INPP4B: variants seen among roughly 807,000 people sequenced by gnomAD.
The protein encoded by INPP4B is inositol polyphosphate 4-phosphatase type II.
INPP4B carries 55 observed loss-of-function variants against 122.5 expected under a neutral mutation model. The ratio of observed to expected loss-of-function variants is 0.45; its 90% CI spans 0.36 to 0.56. INPP4B has a LOEUF of 0.56. INPP4B is among the 20% of genes least tolerant of loss of function. INPP4B has a pLI of 0.00. For synonymous variants in INPP4B, 403 were observed against 388.7 expected, an observed-to-expected ratio of 1.04 and a Z score of -0.43; for missense variants, 1,000 against 1,097.7, an observed-to-expected ratio of 0.91 and a Z score of 1.26.
intron 1 of INPP4B, among the ~76,000 whole-genome samples, chr4:142,798,384 T>TTA (rs1188316659): frequency 6.6e-6 from 1 of 151,882 alleles, no homozygotes; most frequent in African/African-American, 2.4e-5. Flanking sequence ...TAGCATTTAC[T>TTA]TAGAGTTAAA....
chr4:142,737,472 T>A (rs987427759), intron 1 of INPP4B, among the ~76,000 whole-genome samples: 54 of 152,260 alleles, frequency 3.5e-4, no homozygotes, highest in Non-Finnish European at 6.0e-4. Context: ...CAAGATGGAT[T>A]AAAGACTTAC....
chr4:142,337,734 AT>A lies in INPP4B; in HGVS notation c.373-22973del, dbSNP rs72042250. On this transcript the variant is annotated intron_variant, in intron 7 of 25. Coordinates refer to ENST00000262992, the MANE Select transcript of INPP4B (RefSeq NM_001101669.3). ...TATATATAATATATATTTTATATATATTTATATATATTATATATTTTATATA... is the reference window on the plus strand; with the variant it reads ...TATATATAATATATATTTTATATATATTATATATATTATATATTTTATATA... 8.3e-3 allele frequency among the ~76,000 whole-genome samples: 343 copies of A among 41,574 alleles called. 2 individuals carry two copies. Among genetic ancestry groups the A allele is most frequent in the East Asian group, 0.032 (11 of 342 alleles). 27.3% of individuals were successfully genotyped at this position (41,574 alleles called of 152,430 possible).
chr4:142,200,267 T>A (rs952802332), intron 14 of INPP4B, among the ~76,000 whole-genome samples: 2 of 151,992 alleles, frequency 1.3e-5, no homozygotes, highest in South Asian at 4.1e-4. Flanking sequence ...ACCTATTCTA[T>A]TAAAAAAAAT....
Position 142,767,401 on chromosome 4 carries a change from A to AC in INPP4B, c.-253-41501dup, listed in dbSNP as rs1235300769. Among the ~76,000 whole-genome samples, 8 of 152,148 alleles carry AC rather than the reference A, an allele frequency of 5.3e-5. 1 individual carries two copies. Among genetic ancestry groups the AC allele is most frequent in the African/African-American group, 1.9e-4 (8 of 41,524 alleles). On this transcript the variant is annotated intron_variant, in intron 1 of 25. Coordinates refer to ENST00000262992, the MANE Select transcript of INPP4B (RefSeq NM_001101669.3). ...GGTAGGTAATATTAGACTGTTTGAG[A>AC]CCCCTATATCTGTTATAAACCTCAT...
intron 2 of INPP4B, among the ~76,000 whole-genome samples, chr4:142,588,182 C>T (rs1369009082): frequency 1.3e-5 from 2 of 151,832 alleles, no homozygotes; most frequent in African/African-American, 2.4e-5. Flanking sequence ...CTACAAACAA[C>T]CTTCAGTTAA....
intron 25 of INPP4B, among the ~76,000 whole-genome samples, chr4:142,079,193 A>G (rs1015270987): frequency 2.0e-5 from 3 of 152,060 alleles, no homozygotes; most frequent in Non-Finnish European, 4.4e-5. Context: ...TCTTTGTTAC[A>G]TGGACATACT....
chr4:142,269,357 C>T (rs1273986943), intron 10 of INPP4B, among the ~76,000 whole-genome samples: 1 of 152,036 alleles, frequency 6.6e-6, no homozygotes, highest in Non-Finnish European at 1.5e-5. Flanking sequence ...TATCGGAGTC[C>T]TCAAAACCCT....
At chr4:142,612,605 G>T (rs917139375) in intron 2 of INPP4B, among the ~76,000 whole-genome samples, 1 of 152,090 alleles carries the variant, frequency 6.6e-6, no homozygotes, top group African/African-American at 2.4e-5. Flanking sequence ...AAGAATTGCA[G>T]TTTTTGCCAT....
chr4:142,504,337 A>T (rs998632967), intron 2 of INPP4B, among the ~76,000 whole-genome samples: 5 of 152,010 alleles, frequency 3.3e-5, no homozygotes, highest in African/African-American at 1.2e-4. Context: ...CCAAAAATTA[A>T]AAAAGCTCTA....
chr4:142,741,459 C>T (rs1280512113), intron 1 of INPP4B, among the ~76,000 whole-genome samples: 1 of 151,956 alleles, frequency 6.6e-6, no homozygotes, highest in East Asian at 1.9e-4. Flanking sequence ...CAATACCTCA[C>T]ACCAGGCCCC....
chr4:142,449,889 C>G (rs1351890436), intron 3 of INPP4B, among the ~76,000 whole-genome samples: 1 of 152,144 alleles, frequency 6.6e-6, no homozygotes, highest in Non-Finnish European at 1.5e-5. Context: ...ACCAGACTTT[C>G]TAGACTATTG....
chr4:142,573,346 T>G (rs970937415), intron 2 of INPP4B, among the ~76,000 whole-genome samples: 3 of 151,962 alleles, frequency 2.0e-5, no homozygotes, highest in Non-Finnish European at 4.4e-5. Context: ...CTTTTTTCTT[T>G]TAAAAAACCG....
intron 3 of INPP4B, among the ~76,000 whole-genome samples, chr4:142,434,153 A>T (rs1198467155): frequency 6.6e-6 from 1 of 152,226 alleles, no homozygotes; most frequent in Admixed American, 6.5e-5. Flanking sequence ...TTGAGGAAAC[A>T]AGATGTGCTA....
chr4:142,577,850 T>C (rs1266713066), intron 2 of INPP4B, among the ~76,000 whole-genome samples: 2 of 151,980 alleles, frequency 1.3e-5, no homozygotes, highest in Non-Finnish European at 2.9e-5. Flanking sequence ...CTGCAGTTCC[T>C]TTTTACATGG....
At chr4:142,709,041 G>A (rs1389768367) in intron 2 of INPP4B, among the ~76,000 whole-genome samples, 1 of 152,176 alleles carries the variant, frequency 6.6e-6, no homozygotes, top group African/African-American at 2.4e-5. Context: ...TGCCCTGGAT[G>A]TGAGACATGG....
intron 15 of INPP4B, among the ~76,000 whole-genome samples, chr4:142,175,608 C>T (rs576425437): frequency 6.3e-4 from 80 of 126,352 alleles, no homozygotes; most frequent in Non-Finnish European, 1.1e-3. Flanking sequence ...TGTCTTAATG[C>T]AAGTTAAAGT....
intron 11 of INPP4B, among the ~76,000 whole-genome samples, chr4:142,247,632 G>A (rs1034593658): frequency 1.3e-5 from 2 of 151,992 alleles, no homozygotes; most frequent in African/African-American, 2.4e-5. Flanking sequence ...GGGGTCAGTG[G>A]TGATCTCCCC....
intron 17 of INPP4B, among the ~76,000 whole-genome samples, chr4:142,147,418 G>A (rs946816263): frequency 6.6e-6 from 1 of 152,166 alleles, no homozygotes; most frequent in East Asian, 1.9e-4. Context: ...AGGAATAATA[G>A]GGTTTTAAAG....
chr4:142,135,381 G>A (rs917823533), intron 18 of INPP4B, among the ~76,000 whole-genome samples: 1 of 151,960 alleles, frequency 6.6e-6, no homozygotes, highest in Non-Finnish European at 1.5e-5. Context: ...AATTTTATGT[G>A]GAATTTATCA....
Sources: gnomAD v4.1 joint callset for allele counts (sites outside exome capture counted in the v4.1 genomes callset) on GRCh38, gnomAD v4.1.1 for gene constraint, MANE v1.5 for transcripts, NCBI Gene and HGNC (gene_info 2026-07-23, HGNC 2026-07-21) for gene names.